The following CFAP47 variants were observed in gnomAD, a reference collection of about 807,000 sequenced individuals.
CFAP47 encodes the protein cilia and flagella associated protein 47, also known as cilia- and flagella-associated protein 47.
In CFAP47, 29 loss-of-function variants were observed where a neutral mutation model predicts 148.1. The observed-to-expected ratio is 0.20, with a 90% CI of 0.15 to 0.27. CFAP47 has a LOEUF of 0.27. CFAP47 is among the 10% of genes least tolerant of loss of function. The pLI is 1.00. For synonymous variants in CFAP47, 664 were observed against 577.3 expected (o/e 1.15, Z -2.15); for missense variants, 1,872 against 1,697.5 (o/e 1.10, Z -1.81).
At chrX:36,351,391 T>C (rs1556017470) in intron 59 of CFAP47, among the ~76,000 whole-genome samples, 1 of 111,984 alleles carries the variant, frequency 8.9e-6, no homozygotes, top group African/African-American at 3.2e-5. Context: ...ATACTTCTGA[T>C]ATAGCTGAAC....
Position 36,138,609 on chromosome X carries a change from G to T in CFAP47, c.5535+145G>T, listed in dbSNP as rs1427687520. 10 of 599,503 alleles carry T rather than the reference G, an allele frequency of 1.7e-5. No homozygotes were observed. In the Admixed American group the frequency reaches 4.8e-4, roughly 29 times the overall value. 49.4% of individuals were successfully genotyped at this position (599,503 alleles called of 1,213,427 possible). On this transcript the variant is annotated intron_variant, in intron 35 of 63. Coordinates refer to ENST00000378653, the MANE Select transcript of CFAP47 (RefSeq NM_001304548.2). ...GAGACATTGCTAAAATGTAGAAATTGAAATATGACTCCACAGAAATCGACT... is the reference window on the plus strand; with the variant it reads ...GAGACATTGCTAAAATGTAGAAATTTAAATATGACTCCACAGAAATCGACT...
chrX:35,975,406 T>C (rs1295082565), intron 14 of CFAP47, 43 bp downstream of exon 14: 1 of 852,620 alleles, frequency 1.2e-6, no homozygotes, highest in South Asian at 2.3e-5. Context: ...AATCAAAGTG[T>C]ACTTCTGTAG....
chrX:36,193,509 T>G (rs1350880399), intron 42 of CFAP47, among the ~76,000 whole-genome samples: 4 of 111,273 alleles, frequency 3.6e-5, no homozygotes, highest in Admixed American at 9.6e-5. Context: ...TTTCTTTTTT[T>G]GGGGAATGAG....
intron 49 of CFAP47, among the ~76,000 whole-genome samples, chrX:36,255,042 A>C (rs1940733864): frequency 8.9e-6 from 1 of 111,918 alleles, no homozygotes; most frequent in South Asian, 3.7e-4. Flanking sequence ...TTTTCAAGGC[A>C]GCCTGCAGTG....
intron 42 of CFAP47, among the ~76,000 whole-genome samples, chrX:36,191,341 T>G (rs782156844): frequency 4.5e-5 from 5 of 111,842 alleles, no homozygotes; most frequent in Non-Finnish European, 9.4e-5. Flanking sequence ...TTCTTTGACT[T>G]AGTATATTGG....
chrX:36,244,965 AT>A (rs1448320616), intron 48 of CFAP47, among the ~76,000 whole-genome samples: 2 of 111,860 alleles, frequency 1.8e-5, no homozygotes, highest in African/African-American at 6.5e-5. Flanking sequence ...CCTCAAAAAA[AT>A]AATAGCAAAC....
intron 57 of CFAP47, among the ~76,000 whole-genome samples, chrX:36,324,974 A>G (rs1422290069): frequency 9.0e-6 from 1 of 111,625 alleles, no homozygotes; most frequent in Non-Finnish European, 1.9e-5. Flanking sequence ...ATCTACAGTT[A>G]CATCTATATC....
intron 55 of CFAP47, among the ~76,000 whole-genome samples, chrX:36,308,386 A>G (rs1941367544): frequency 9.0e-6 from 1 of 110,508 alleles, no homozygotes; most frequent in Non-Finnish European, 1.9e-5. Flanking sequence ...GACCTCCTCA[A>G]CCTTCTCAAT....
In CFAP47 at chrX:35,955,513, T is replaced by C. The variant is rs185900328; in HGVS notation, c.1175-448T>C. Among the ~76,000 whole-genome samples, 174 of 112,004 alleles carry C rather than the reference T, an allele frequency of 1.6e-3. 2 individuals are homozygous for C. Among genetic ancestry groups the C allele is most frequent in the East Asian group, 1.7e-3 (6 of 3,536 alleles). On this transcript the variant is annotated intron_variant, in intron 7 of 63. Coordinates refer to ENST00000378653, the MANE Select transcript of CFAP47 (RefSeq NM_001304548.2). Reference sequence around the variant, plus strand: ...TGCTTGCTGTTCTCTCTGCCTGGAATAAACTTTTCCTAGATTTTCACATTT... The same window carrying C: ...TGCTTGCTGTTCTCTCTGCCTGGAACAAACTTTTCCTAGATTTTCACATTT...
intron 33 of CFAP47, among the ~76,000 whole-genome samples, chrX:36,137,735 T>C (rs1481308580): frequency 9.0e-6 from 1 of 110,722 alleles, no homozygotes; most frequent in African/African-American, 3.3e-5. Context: ...GCAGCTCATA[T>C]AGAAATAAAG....
intron 8 of CFAP47, among the ~76,000 whole-genome samples, chrX:35,963,873 G>T (rs1316243904): frequency 9.0e-6 from 1 of 111,148 alleles, no homozygotes; most frequent in Admixed American, 9.6e-5. Flanking sequence ...TATGGTTCTT[G>T]TCTCCTCTTT....
chrX:36,203,529 AT>A (rs782543306), intron 44 of CFAP47, among the ~76,000 whole-genome samples: 62 of 111,658 alleles, frequency 5.6e-4, no homozygotes, highest in South Asian at 1.5e-3. Flanking sequence ...TTATTATTAC[AT>A]TTAATAAATT....
intron 1 of CFAP47, among the ~76,000 whole-genome samples, chrX:35,924,020 CACATATATAT>C (rs1935643614): frequency 5.1e-5 from 4 of 77,723 alleles, no homozygotes; most frequent in African/African-American, 2.2e-4. Flanking sequence ...AATATATATG[CACATATATAT>C]GCACATATAT....
chrX:35,926,608 G>T (rs1302934418), intron 2 of CFAP47, among the ~76,000 whole-genome samples: 1 of 111,537 alleles, frequency 9.0e-6, no homozygotes, highest in African/African-American at 3.3e-5. Flanking sequence ...TGATTCATTT[G>T]TTGTTTTTTA....
At chrX:35,965,843 G>C in intron 8 of CFAP47, among the ~76,000 whole-genome samples, 1 of 110,878 alleles carries the variant, frequency 9.0e-6, no homozygotes, top group East Asian at 2.9e-4. Context: ...CAGTTGCAAG[G>C]CTGTTGTTTT....
intron 48 of CFAP47, among the ~76,000 whole-genome samples, chrX:36,245,199 A>C (rs1602066837): frequency 9.0e-6 from 1 of 110,705 alleles, no homozygotes; most frequent in East Asian, 2.8e-4. Context: ...GGTATCAAAA[A>C]ATCCATCTAT....
At chrX:36,216,224 C>T (rs1940157931) in intron 45 of CFAP47, among the ~76,000 whole-genome samples, 1 of 112,357 alleles carries the variant, frequency 8.9e-6, no homozygotes, top group African/African-American at 3.2e-5. Context: ...GAAGCAATAC[C>T]TCAGTTGTAG....
chrX:36,375,359 C>A (rs1423507327), intron 62 of CFAP47, among the ~76,000 whole-genome samples: 1 of 112,019 alleles, frequency 8.9e-6, no homozygotes, highest in African/African-American at 3.2e-5. Context: ...GTTATAGATT[C>A]TCAGTTTCAT....
At chrX:36,067,593 C>A (rs1937659902) in intron 27 of CFAP47, among the ~76,000 whole-genome samples, 1 of 111,052 alleles carries the variant, frequency 9.0e-6, no homozygotes, top group Non-Finnish European at 1.9e-5. Context: ...GGTTTCTAAA[C>A]TGTTCTCCTT....
Sources: allele counts gnomAD v4.1 joint callset (sites outside exome capture counted in the v4.1 genomes callset), GRCh38; gene constraint gnomAD v4.1.1; transcripts MANE v1.5; gene names NCBI Gene and HGNC (gene_info 2026-07-23, HGNC 2026-07-21).